NBEA: variants seen among roughly 807,000 people sequenced by gnomAD.
NBEA encodes the protein neurobeachin.
Under a neutral mutation model 343.4 loss-of-function variants are expected in NBEA, and 44 were observed. The ratio of observed to expected loss-of-function variants is 0.13; its 90% CI spans 0.10 to 0.16. NBEA has a LOEUF of 0.16. Ranked by LOEUF, NBEA falls within the 10% of genes least tolerant of loss-of-function variation. NBEA has a pLI of 1.00. For synonymous variants in NBEA, 1,175 were observed against 1,238.7 expected (o/e 0.95, Z 1.08); for missense variants, 2,555 against 3,631.3 (o/e 0.70, Z 7.62).
At chr13:34,948,468 G>T (rs1452164705) in intron 1 of NBEA, among the ~76,000 whole-genome samples, 1 of 152,160 alleles carries the variant, frequency 6.6e-6, no homozygotes, top group Non-Finnish European at 1.5e-5. Flanking sequence ...TTCTGTTGGA[G>T]AACCTAGAGT....
At chr13:35,398,739 G>C (rs1014569003) in intron 38 of NBEA, among the ~76,000 whole-genome samples, 1 of 152,008 alleles carries the variant, frequency 6.6e-6, no homozygotes, top group African/African-American at 2.4e-5. Context: ...TTAGAGCACA[G>C]GCAGACTAGA....
chr13:35,390,801 A>G (rs1426988557), intron 38 of NBEA, among the ~76,000 whole-genome samples: 2 of 152,176 alleles, frequency 1.3e-5, no homozygotes, highest in East Asian at 3.9e-4. Context: ...CTTAAATTTT[A>G]TATTTCTTTG....
intron 36 of NBEA, among the ~76,000 whole-genome samples, chr13:35,311,878 C>T (rs2037395051): frequency 6.6e-6 from 1 of 152,068 alleles, no homozygotes; most frequent in African/African-American, 2.4e-5. Context: ...AAAATTCAAC[C>T]TATAATAATC....
chr13:35,632,504 T>C lies in NBEA; in HGVS notation c.7617+4256T>C, dbSNP rs542809594. Among the ~76,000 whole-genome samples the C allele has an allele frequency of 1.1e-3, 169 of 152,096 alleles. 1 individual carries two copies. The highest frequency in any genetic ancestry group is 3.5e-3 in the African/African-American group (144 of 41,486). On this transcript the variant is annotated intron_variant, in intron 49 of 58. Coordinates refer to ENST00000379939, the MANE Select transcript of NBEA (RefSeq NM_001385012.1). Reference sequence around the variant, plus strand: ...AATCATTTGGAAAGCTTTTTTTTTTTCCCCTACAAAAGTACAGAGAATGGT... The same window carrying C: ...AATCATTTGGAAAGCTTTTTTTTTTCCCCCTACAAAAGTACAGAGAATGGT...
intron 33 of NBEA, among the ~76,000 whole-genome samples, chr13:35,227,617 T>G (rs1053088407): frequency 6.6e-6 from 1 of 152,064 alleles, no homozygotes; most frequent in African/African-American, 2.4e-5. Context: ...GTTTTCTTAT[T>G]ATAAACTACC....
chr13:35,304,429 A>G (rs2036754961), intron 35 of NBEA, among the ~76,000 whole-genome samples: 1 of 151,754 alleles, frequency 6.6e-6, no homozygotes, highest in Non-Finnish European at 1.5e-5. Flanking sequence ...GTATTGGCTC[A>G]CTGCAACCTC....
chr13:35,159,870 G>C lies in NBEA; in HGVS notation c.3699G>C (p.Glu1233Asp). Reference protein sequence around the residue: ...RDLASSTKGLEYAEMTATTLE... With the variant: ...RDLASSTKGLDYAEMTATTLE... ...TAGCGTCATCAACTAAGGGGCTGGA[G>C]TATGCTGAAATGACTGCTACAACTC... is the stretch of plus-strand genomic sequence containing the variant. The change falls in exon 22 of 59, where the codon GAG becomes GAC. Residue 1233 changes from glutamate (E) to aspartate (D), a missense_variant. Physicochemically the swap from Glu to Asp is conservative, Grantham distance 45. Around this residue, in one of 21 missense-constraint regions of NBEA, gnomAD observed 367 missense variants for 377.5 expected, o/e 0.97. Transcript: ENST00000379939. 6.2e-7 allele frequency: 1 copy of C among 1,604,834 alleles called. No individual in the cohort carries two copies. Among genetic ancestry groups the C allele is most frequent in the African/African-American group, 1.3e-5 (1 of 74,918 alleles).
At chr13:35,136,023 C>T (rs535216662) in intron 17 of NBEA, among the ~76,000 whole-genome samples, 4 of 152,020 alleles carry the variant, frequency 2.6e-5, no homozygotes, top group Non-Finnish European at 5.9e-5. Flanking sequence ...AAGAATATCC[C>T]TTGTCCCAAC....
At chr13:35,179,622 T>G (rs2071168603) in intron 28 of NBEA, 2 of 198,896 alleles carry the variant, frequency 1.0e-5, no homozygotes, top group Non-Finnish European at 9.0e-6. Context: ...TGACAGCAGT[T>G]TAGTGTCTGT....
intron 40 of NBEA, among the ~76,000 whole-genome samples, chr13:35,455,308 T>C (rs1364942646): frequency 6.6e-6 from 1 of 151,964 alleles, no homozygotes; most frequent in Non-Finnish European, 1.5e-5. Flanking sequence ...AGTATGCTAA[T>C]TAGTACAGAA....
intron 36 of NBEA, among the ~76,000 whole-genome samples, chr13:35,337,484 G>C (rs1455867497): frequency 1.3e-5 from 2 of 151,956 alleles, no homozygotes; most frequent in South Asian, 4.1e-4. Context: ...CTTAACAAGA[G>C]ACCCCTAAAA....
At chr13:35,494,994 G>C (rs973868275) in intron 41 of NBEA, among the ~76,000 whole-genome samples, 1 of 151,656 alleles carries the variant, frequency 6.6e-6, no homozygotes, top group African/African-American at 2.4e-5. Context: ...CTGGACAACA[G>C]AGTGAGACTC....
chr13:35,241,932 TTGCAACA>T (rs768661745), intron 34 of NBEA, among the ~76,000 whole-genome samples: 10 of 151,892 alleles, frequency 6.6e-5, no homozygotes, highest in Non-Finnish European at 1.5e-4. Flanking sequence ...TGGAACTTGC[TTGCAACA>T]TTCTCACTAA....
chr13:34,960,299 GTGTT>G (rs1185936968), intron 1 of NBEA, among the ~76,000 whole-genome samples: 1 of 152,018 alleles, frequency 6.6e-6, no homozygotes, highest in Non-Finnish European at 1.5e-5. Context: ...GTCATATAAT[GTGTT>G]TGTGTTTTAA....
Position 34,942,946 on chromosome 13 carries a change from G to T in NBEA, c.126G>T (p.Met42Ile). Residue 42 changes from methionine (M) to isoleucine (I), a missense_variant, in exon 1 of 59, where the codon ATG becomes ATT. This residue lies in a region of NBEA where 122 missense variants were observed against 91.0 expected (regional missense o/e 1.34). Coordinates refer to ENST00000379939, the MANE Select transcript of NBEA (RefSeq NM_001385012.1). ...SGGGGTGGSG[M>I]GELRGASGSG... ...GTGGCGGCACCGGGGGCAGCGGGAT[G>T]GGGGAGCTAAGGGGGGCGTCCGGCT... 2 of 1,589,438 alleles carry T rather than the reference G, an allele frequency of 1.3e-6. No individual in the cohort carries two copies. The highest frequency in any genetic ancestry group is 1.7e-6 in the Non-Finnish European group (2 of 1,168,392).
intron 1 of NBEA, among the ~76,000 whole-genome samples, chr13:34,948,949 C>T (rs923785195): frequency 6.6e-6 from 1 of 152,048 alleles, no homozygotes; most frequent in African/African-American, 2.4e-5. Flanking sequence ...TCCAAGATAG[C>T]AGAGAATTAG....
chr13:35,134,490 AT>A (rs1051331759), intron 17 of NBEA, among the ~76,000 whole-genome samples: 1 of 151,986 alleles, frequency 6.6e-6, no homozygotes, highest in Admixed American at 6.5e-5. Flanking sequence ...TTATGCAAAA[AT>A]ATCTTACCTA....
intron 28 of NBEA, among the ~76,000 whole-genome samples, chr13:35,180,400 T>G (rs2071229619): frequency 6.6e-6 from 1 of 151,770 alleles, no homozygotes; most frequent in South Asian, 2.1e-4. Flanking sequence ...TTATCTAGGC[T>G]TTTTGAATAG....
At position 35,232,578 on chromosome 13, in the gene NBEA, G is replaced by A. The variant is rs371714749; in HGVS notation, c.5735G>A (p.Arg1912His). 7.7e-6 allele frequency: 12 copies of A among 1,555,666 alleles called. No homozygotes were observed. The highest frequency in any genetic ancestry group is 2.4e-5 in the East Asian group (1 of 41,976). ...GTAGACTTTGCCCCATTCCTATCTC[G>A]TACACTTCTTGGCAGTCATGGACAA... ...IFVDFAPFLSRTLLGSHGQEL... is the reference protein window; with the variant it reads ...IFVDFAPFLSHTLLGSHGQEL... Residue 1912 changes from arginine (R) to histidine (H), a missense_variant, in exon 34 of 59, where the codon CGT becomes CAT. Transcript: ENST00000379939.
Sources: allele counts gnomAD v4.1 joint callset (sites outside exome capture counted in the v4.1 genomes callset), GRCh38; gene constraint gnomAD v4.1.1; regional missense constraint gnomAD v4.1.1; transcripts MANE v1.5; gene names NCBI Gene and HGNC (gene_info 2026-07-23, HGNC 2026-07-21).